CNTN4: variants seen among roughly 807,000 people sequenced by gnomAD.
The protein encoded by CNTN4 is contactin-4.
A neutral mutation model predicts 122.5 loss-of-function variants in CNTN4; 77 were observed. The ratio of observed to expected loss-of-function variants is 0.63; its 90% confidence interval spans 0.52 to 0.76. The LOEUF is 0.76. Ranked by LOEUF, CNTN4 falls within the 30% of genes least tolerant of loss-of-function variation. The probability of loss-of-function intolerance (pLI) is 0.00; values close to 1 mark genes in which losing one functional copy is unlikely to be tolerated. For synonymous variants in CNTN4, 512 were observed against 447.0 expected (o/e 1.15, Z -1.83); for missense variants, 1,256 against 1,259.1 (o/e 1.00, Z 0.04).
chr3:2,192,282 C>T (rs1009468787), intron 2 of CNTN4, among the ~76,000 whole-genome samples: 7 of 151,936 alleles, frequency 4.6e-5, no homozygotes, highest in African/African-American at 1.7e-4. Flanking sequence ...ATTTCTAGTT[C>T]TCGATCCTTG....
At chr3:2,573,998 C>G (rs2079543964) in intron 4 of CNTN4, among the ~76,000 whole-genome samples, 1 of 152,156 alleles carries the variant, frequency 6.6e-6, no homozygotes, top group Non-Finnish European at 1.5e-5. Context: ...GGGTGGATAA[C>G]CTGAGGTCAG....
intron 7 of CNTN4, among the ~76,000 whole-genome samples, chr3:2,822,871 C>T (rs749529770): frequency 1.3e-5 from 2 of 152,138 alleles, no homozygotes; most frequent in Non-Finnish European, 2.9e-5. Context: ...ACATTCCTGA[C>T]AATCTTGATG....
chr3:2,576,126 C>A (rs552371891), intron 4 of CNTN4, among the ~76,000 whole-genome samples: 1 of 152,274 alleles, frequency 6.6e-6, no homozygotes, highest in South Asian at 2.1e-4. Context: ...TGAGCCACCA[C>A]GCCCAGCCGC....
chr3:2,528,763 T>C (rs750730171), intron 3 of CNTN4, among the ~76,000 whole-genome samples: 1 of 152,096 alleles, frequency 6.6e-6, no homozygotes, highest in Non-Finnish European at 1.5e-5. Flanking sequence ...TACTCCATAA[T>C]TAGCCTACAA....
intron 4 of CNTN4, among the ~76,000 whole-genome samples, chr3:2,590,535 G>A (rs999774229): frequency 6.6e-6 from 1 of 151,778 alleles, no homozygotes; most frequent in Admixed American, 6.6e-5. Context: ...GTGGCTTACT[G>A]TTACACATAG....
At position 2,901,494 on chromosome 3, in the gene CNTN4, C is replaced by T. The variant is rs183202514; in HGVS notation, c.1077+673C>T. Among the ~76,000 whole-genome samples the T allele has an allele frequency of 2.6e-3, 403 of 152,300 alleles. 3 individuals are homozygous for T. Among genetic ancestry groups the T allele is most frequent in the Non-Finnish European group, 4.7e-3 (318 of 68,034 alleles). Reference sequence around the variant, plus strand: ...CTAACTCACCCCCTGCCTCATGCACCTTCTCCATTTGCTGGAAGGGCTCCA... The same window carrying T: ...CTAACTCACCCCCTGCCTCATGCACTTTCTCCATTTGCTGGAAGGGCTCCA... On this transcript the variant is annotated intron_variant, in intron 11 of 24. Coordinates refer to ENST00000418658, the MANE Select transcript of CNTN4 (RefSeq NM_175607.3).
intron 3 of CNTN4, among the ~76,000 whole-genome samples, chr3:2,360,478 A>G (rs545889967): frequency 2.6e-5 from 4 of 152,200 alleles, no homozygotes; most frequent in Non-Finnish European, 5.9e-5. Flanking sequence ...AAATATGAAC[A>G]CAATATTGCA....
intron 3 of CNTN4, among the ~76,000 whole-genome samples, chr3:2,412,709 T>C (rs1346832092): frequency 6.6e-6 from 1 of 152,212 alleles, no homozygotes; most frequent in African/African-American, 2.4e-5. Context: ...GGGCTTTTTT[T>C]TTTCACTGCA....
intron 17 of CNTN4, among the ~76,000 whole-genome samples, chr3:3,036,391 G>C (rs1699607118): frequency 6.6e-6 from 1 of 152,096 alleles, no homozygotes; most frequent in South Asian, 2.1e-4. Context: ...ATGAATTCTA[G>C]ACCTGACTGC....
intron 13 of CNTN4, among the ~76,000 whole-genome samples, chr3:2,942,925 A>G (rs1008265753): frequency 6.6e-6 from 1 of 152,174 alleles, no homozygotes; most frequent in African/African-American, 2.4e-5. Context: ...CTCTAAGTGG[A>G]TGTAAGACTT....
intron 7 of CNTN4, among the ~76,000 whole-genome samples, chr3:2,825,717 A>G (rs755070656): frequency 6.6e-6 from 1 of 152,112 alleles, no homozygotes; most frequent in Non-Finnish European, 1.5e-5. Context: ...AAAACCCAGA[A>G]GTAGCATTTT....
chr3:2,692,204 GACTAAGTATTTTT>G, intron 4 of CNTN4, among the ~76,000 whole-genome samples: 1 of 152,300 alleles, frequency 6.6e-6, no homozygotes, highest in Middle Eastern at 3.4e-3. Flanking sequence ...GCGATCCCTT[GACTAAGTATTTTT>G]GCAAATAGCA....
chr3:2,694,470 C>T lies in CNTN4; in HGVS notation c.56-41745C>T, dbSNP rs531258690. Among the ~76,000 whole-genome samples the T allele has an allele frequency of 5.9e-5, 9 of 152,250 alleles. No individual in the cohort carries two copies. The South Asian group carries it at 8.3e-4, about 14-fold the overall frequency. The stretch of plus-strand genomic sequence containing the variant: ...AGAATTGAACAACATTGGCCAGGTG[C>T]GGTGGCTCGCACCTGTAATTTCAGG... On this transcript the variant is annotated intron_variant, in intron 4 of 24. Coordinates refer to ENST00000418658, the MANE Select transcript of CNTN4 (RefSeq NM_175607.3).
intron 6 of CNTN4, among the ~76,000 whole-genome samples, chr3:2,785,570 CT>C (rs1443803705): frequency 1.3e-5 from 2 of 152,070 alleles, no homozygotes; most frequent in Non-Finnish European, 2.9e-5. Flanking sequence ...ACATATAAAA[CT>C]AATAATCACA....
chr3:2,646,488 A>G (rs1359418083), intron 4 of CNTN4, among the ~76,000 whole-genome samples: 4 of 152,222 alleles, frequency 2.6e-5, no homozygotes, highest in African/African-American at 9.6e-5. Flanking sequence ...GGGTTAATAC[A>G]TACCCTCAGA....
chr3:2,384,215 T>A (rs780717827), intron 3 of CNTN4, among the ~76,000 whole-genome samples: 64 of 152,164 alleles, frequency 4.2e-4, no homozygotes, highest in Non-Finnish European at 7.1e-4. Flanking sequence ...CATTAATATG[T>A]TGTTGTACAG....
At chr3:2,805,177 T>TA (rs1312441144) in intron 6 of CNTN4, among the ~76,000 whole-genome samples, 2,797 of 147,782 alleles carry the variant, frequency 0.019, 80 homozygotes, top group African/African-American at 0.062. Context: ...AACTCTGTCT[T>TA]AAAAAAAAAA....
intron 3 of CNTN4, among the ~76,000 whole-genome samples, chr3:2,450,644 G>T (rs2048796198): frequency 6.6e-6 from 1 of 151,972 alleles, no homozygotes; most frequent in Non-Finnish European, 1.5e-5. Context: ...AAGAACTAAG[G>T]AGCCAAATGC....
chr3:2,644,291 T>C (rs1014745540), intron 4 of CNTN4, among the ~76,000 whole-genome samples: 2 of 152,206 alleles, frequency 1.3e-5, no homozygotes, highest in Admixed American at 6.5e-5. Context: ...AGTCTCAGAA[T>C]GGGTCTAGTG....
Sources: allele counts gnomAD v4.1 joint callset (sites outside exome capture counted in the v4.1 genomes callset), GRCh38; gene constraint gnomAD v4.1.1; transcripts MANE v1.5; gene names NCBI Gene and HGNC (gene_info 2026-07-23, HGNC 2026-07-21).